The following TIAM2 variants were observed in gnomAD, a reference collection of about 807,000 sequenced individuals.
The protein encoded by TIAM2 is rho guanine nucleotide exchange factor TIAM2.
Under a neutral mutation model 152.9 loss-of-function variants are expected in TIAM2, and 80 were observed. The observed-to-expected ratio is 0.52, with a 90% confidence interval of 0.44 to 0.63. The LOEUF (loss-of-function observed/expected upper bound fraction) is 0.63. TIAM2 is among the 30% of genes least tolerant of loss of function. The pLI is 0.00. For missense variants in TIAM2, 1,965 were observed against 2,120.1 expected, an observed-to-expected ratio of 0.93 and a Z score of 1.44; for synonymous variants, 804 against 838.0, an observed-to-expected ratio of 0.96 and a Z score of 0.70.
At chr6:155,105,438 C>T (rs1372700804) in intron 2 of TIAM2, among the ~76,000 whole-genome samples, 3 of 152,160 alleles carry the variant, frequency 2.0e-5, no homozygotes, top group Non-Finnish European at 4.4e-5. Flanking sequence ...CATGAGCCAT[C>T]GCCCCTGGCC....
At chr6:155,243,946 A>C in intron 16 of TIAM2, 65 bp from the exon 17 acceptor site, 1 of 1,400,176 alleles carries the variant, frequency 7.1e-7, no homozygotes, top group South Asian at 1.2e-5. Context: ...GGTTGCTGCT[A>C]CCCAAATCTC....
chr6:155,153,614 G>C lies in TIAM2; in HGVS notation c.2028+5280G>C, dbSNP rs562106678. On this transcript the variant is annotated intron_variant, in intron 7 of 26. Coordinates refer to ENST00000682666, the MANE Select transcript of TIAM2 (RefSeq NM_012454.4). Reference sequence around the variant, plus strand: ...TTTGTCAGCAGGTTGTAAAGGAGCTGTTTACGCTTTTTTTTTTTTTTTTTT... The same window carrying C: ...TTTGTCAGCAGGTTGTAAAGGAGCTCTTTACGCTTTTTTTTTTTTTTTTTT... Among the ~76,000 whole-genome samples the C allele has an allele frequency of 3.3e-3, 420 of 128,968 alleles. 16 individuals carry two copies. In the South Asian group the frequency reaches 0.092, roughly 28 times the overall value. The allele number at this position is 128,968 out of a possible 152,430, so 84.6% of individuals were successfully genotyped here. A position where few individuals can be genotyped will look rare whatever the true frequency, so the allele number is the denominator to read the frequency against.
intron 15 of TIAM2, among the ~76,000 whole-genome samples, chr6:155,231,737 T>C (rs998609139): frequency 2.0e-5 from 3 of 152,220 alleles, no homozygotes; most frequent in Non-Finnish European, 2.9e-5. Context: ...GAGCCCCTTG[T>C]TCCCACTGTG....
intron 14 of TIAM2, among the ~76,000 whole-genome samples, chr6:155,192,761 TA>T (rs1781239116): frequency 6.6e-6 from 1 of 152,208 alleles, no homozygotes; most frequent in African/African-American, 2.4e-5. Context: ...TGTTGCAGTG[TA>T]TTGCTTTGGT....
Position 155,105,414 on chromosome 6 carries a change from G to A in TIAM2, c.-118+15035G>A, listed in dbSNP as rs1002215096. Among the ~76,000 whole-genome samples the A allele has an allele frequency of 3.3e-5, 5 of 152,248 alleles. No individual in the cohort carries two copies. The East Asian group carries it at 9.6e-4, about 29-fold the overall frequency. ...GATCTGCCCGCATTGGCCTCCCAGA[G>A]GCTGGAATTATGGCATGAGCCATCG... On this transcript the variant is annotated intron_variant, in intron 2 of 26. Transcript: ENST00000682666.
chr6:155,099,144 G>A (rs759365827), intron 2 of TIAM2, among the ~76,000 whole-genome samples: 7 of 152,116 alleles, frequency 4.6e-5, no homozygotes, highest in South Asian at 2.1e-4. Flanking sequence ...CCAAGATTGC[G>A]CCACTGCACT....
chr6:155,114,345 G>C (rs762578562), intron 2 of TIAM2, among the ~76,000 whole-genome samples: 57 of 151,758 alleles, frequency 3.8e-4, no homozygotes, highest in African/African-American at 7.5e-4. Flanking sequence ...GTGAGCCACC[G>C]TGCCCTGCCA....
At chr6:155,239,196 C>CAGGCATGA (rs1173997719) in intron 15 of TIAM2, among the ~76,000 whole-genome samples, 1 of 152,182 alleles carries the variant, frequency 6.6e-6, no homozygotes, top group Admixed American at 6.5e-5. Flanking sequence ...GGATAGAGGT[C>CAGGCATGA]AGGCATGAAG....
chr6:155,039,816 A>G (rs1478600102), intron 1 of TIAM2, among the ~76,000 whole-genome samples: 2 of 152,344 alleles, frequency 1.3e-5, no homozygotes, highest in South Asian at 2.1e-4. Context: ...GTGGCAGACT[A>G]CTTACTGCCT....
intron 2 of TIAM2, among the ~76,000 whole-genome samples, chr6:155,107,261 A>C (rs1370554233): frequency 1.3e-5 from 2 of 152,192 alleles, no homozygotes; most frequent in African/African-American, 4.8e-5. Flanking sequence ...CCGGCAATAT[A>C]TAAGTGCTGA....
chr6:155,183,141 G>C, intron 13 of TIAM2, 96 bp from the exon 14 acceptor site: 11 of 1,468,486 alleles, frequency 7.5e-6, no homozygotes, highest in Non-Finnish European at 1.0e-5. Context: ...CAGTCCCTAC[G>C]AGTACATGGT....
chr6:155,061,129 C>T (rs995786452), intron 1 of TIAM2, among the ~76,000 whole-genome samples: 2 of 152,194 alleles, frequency 1.3e-5, no homozygotes, highest in African/African-American at 2.4e-5. Flanking sequence ...ACTACGTCTT[C>T]TAGGCCCTCT....
At chr6:155,252,129 C>A in intron 23 of TIAM2, 126 bp downstream of exon 23, 1 of 682,698 alleles carries the variant, frequency 1.5e-6, no homozygotes, top group Non-Finnish European at 2.5e-6. Flanking sequence ...CTGAGGGTAA[C>A]TAACCCCATC....
In TIAM2 at chr6:155,195,422, A is replaced by G. The variant is rs555584536; in HGVS notation, c.3064+11922A>G. ...AAACCAGTGATCTCTGGAGAAAAATATTTTTCTCTCATTTTACTTTTCTCT... is the reference window on the plus strand; with the variant it reads ...AAACCAGTGATCTCTGGAGAAAAATGTTTTTCTCTCATTTTACTTTTCTCT... On this transcript the variant is annotated intron_variant, in intron 14 of 26. Coordinates refer to ENST00000682666, the MANE Select transcript of TIAM2 (RefSeq NM_012454.4). Among the ~76,000 whole-genome samples, 14 of 152,226 alleles carry G rather than the reference A, an allele frequency of 9.2e-5. No individual in the cohort carries two copies. In the South Asian group the frequency reaches 2.9e-3, roughly 31 times the overall value.
chr6:155,240,655 C>T lies in TIAM2; in HGVS notation c.3294C>T (p.Asp1098=), dbSNP rs1782987582. Reference sequence around the variant, plus strand: ...TGGCCCGCCACCTGTCTGATGCAGACCGCCTCCGCAAAGTCATCCAGGAGC... The same window carrying T: ...TGGCCCGCCACCTGTCTGATGCAGATCGCCTCCGCAAAGTCATCCAGGAGC... The part of the protein sequence containing the change: ...RSLARHLSDA[D]RLRKVIQELV... Residue 1098 remains aspartate, a synonymous_variant, in exon 16 of 27, where the codon GAC becomes GAT. Transcript: ENST00000682666. The T allele has an allele frequency of 6.2e-7, 1 of 1,613,990 alleles. No individual in the cohort carries two copies. The highest frequency in any genetic ancestry group is 8.5e-7 in the Non-Finnish European group (1 of 1,180,038).
At position 155,029,880 on chromosome 6, in the gene TIAM2, C is replaced by T. The variant is rs527649492; in HGVS notation, c.-209+34388C>T. ...TGATCGCGGCTCACTGCAACCTCCG[C>T]CTCCCAGACACAAGCCATCCTCCCG... On this transcript the variant is annotated intron_variant, in intron 1 of 26. Coordinates refer to ENST00000682666, the MANE Select transcript of TIAM2 (RefSeq NM_012454.4). Among the ~76,000 whole-genome samples, 4 of 151,678 alleles carry T rather than the reference C, an allele frequency of 2.6e-5. No individual in the cohort carries two copies. In the East Asian group the frequency reaches 5.8e-4, roughly 22 times the overall value.
intron 14 of TIAM2, among the ~76,000 whole-genome samples, chr6:155,197,001 A>G (rs2115177775): frequency 6.6e-6 from 1 of 152,362 alleles, no homozygotes; most frequent in Non-Finnish European, 1.5e-5. Flanking sequence ...AAAAAAGCAC[A>G]TGAAATTGTT....
intron 7 of TIAM2, among the ~76,000 whole-genome samples, chr6:155,152,257 A>G (rs1779989327): frequency 6.6e-6 from 1 of 152,238 alleles, no homozygotes; most frequent in African/African-American, 2.4e-5. Context: ...AGGAAGCCAA[A>G]ACTGCCAAGA....
chr6:155,080,974 C>T (rs1163666873), intron 1 of TIAM2, among the ~76,000 whole-genome samples: 1 of 152,160 alleles, frequency 6.6e-6, no homozygotes, highest in African/African-American at 2.4e-5. Context: ...CTGTAGCACT[C>T]ACTTTCTCAG....
Sources: allele counts gnomAD v4.1 joint callset (sites outside exome capture counted in the v4.1 genomes callset), GRCh38; gene constraint gnomAD v4.1.1; transcripts MANE v1.5; gene names NCBI Gene and HGNC (gene_info 2026-07-23, HGNC 2026-07-21).